KIAA1549L: variants seen among roughly 807,000 people sequenced by gnomAD.
KIAA1549L encodes UPF0606 protein KIAA1549L.
In KIAA1549L, 88 loss-of-function variants were observed where a neutral mutation model predicts 160.7. The observed-to-expected ratio is 0.55, with a 90% CI of 0.46 to 0.65. The LOEUF (loss-of-function observed/expected upper bound fraction) is 0.65, where lower values mean the gene tolerates loss of function less well. KIAA1549L is among the 30% of genes least tolerant of loss of function. KIAA1549L has a pLI of 0.00. For synonymous variants in KIAA1549L, 950 were observed against 976.7 expected (o/e 0.97, Z 0.51); for missense variants, 2,258 against 2,437.5 (o/e 0.93, Z 1.55).
intron 3 of KIAA1549L, among the ~76,000 whole-genome samples, chr11:33,546,843 T>G (rs1299728033): frequency 1.3e-5 from 2 of 152,234 alleles, no homozygotes; most frequent in Non-Finnish European, 2.9e-5. Context: ...TAAAGCTTAA[T>G]TTATAAGTTA....
chr11:33,381,635 T>C (rs1850076097), intron 1 of KIAA1549L, among the ~76,000 whole-genome samples: 1 of 152,094 alleles, frequency 6.6e-6, no homozygotes, highest in Non-Finnish European at 1.5e-5. Flanking sequence ...AAACAAGAGG[T>C]GACATAATCT....
chr11:33,616,224 G>A (rs1850803998), intron 15 of KIAA1549L, among the ~76,000 whole-genome samples: 1 of 152,176 alleles, frequency 6.6e-6, no homozygotes, highest in Non-Finnish European at 1.5e-5. Context: ...TTCACTCTCT[G>A]CTGCCCCCAT....
chr11:33,438,266 C>G (rs1383472587), intron 1 of KIAA1549L, among the ~76,000 whole-genome samples: 1 of 152,102 alleles, frequency 6.6e-6, no homozygotes, highest in Non-Finnish European at 1.5e-5. Context: ...AATTAATTGA[C>G]CCATTTAATC....
intron 1 of KIAA1549L, among the ~76,000 whole-genome samples, chr11:33,472,081 T>TTGG (rs1852189497): frequency 6.6e-6 from 1 of 152,100 alleles, no homozygotes; most frequent in South Asian, 2.1e-4. Context: ...CACATTCCTG[T>TTGG]TGGTGCCTCT....
rs550778895 is a variant in KIAA1549L, at chr11:33,471,188, C to T, written c.239-70614C>T. 5.3e-5 allele frequency among the ~76,000 whole-genome samples: 8 copies of T among 151,708 alleles called. No individual in the cohort carries two copies. The South Asian group carries it at 1.7e-3, about 32-fold the overall frequency. On this transcript the variant is annotated intron_variant, in intron 1 of 20. Transcript: ENST00000658780. ...ATTACTGCCCCTCAACTTTTTATGG[C>T]CCAGGGAAGCCAAAGGCCCATCTCA...
chr11:33,419,376 C>T (rs1850951356), intron 1 of KIAA1549L, among the ~76,000 whole-genome samples: 10 of 152,202 alleles, frequency 6.6e-5, no homozygotes, highest in Admixed American at 6.5e-4. Context: ...TTTCTGCTTA[C>T]ACTATGGATA....
chr11:33,399,950 T>C (rs1443222887), intron 1 of KIAA1549L, among the ~76,000 whole-genome samples: 3 of 152,230 alleles, frequency 2.0e-5, no homozygotes, highest in African/African-American at 4.8e-5. Context: ...CAGCCCTTGC[T>C]AGAAAGGAGC....
At chr11:33,407,549 G>C (rs570031064) in intron 1 of KIAA1549L, among the ~76,000 whole-genome samples, 2 of 152,004 alleles carry the variant, frequency 1.3e-5, no homozygotes, top group East Asian at 1.9e-4. Flanking sequence ...GGGTTTCACC[G>C]TGTTGGCCAG....
intron 1 of KIAA1549L, among the ~76,000 whole-genome samples, chr11:33,431,407 A>G (rs1851239125): frequency 1.4e-5 from 2 of 146,948 alleles, no homozygotes; most frequent in East Asian, 2.1e-4. Context: ...TGTGTTTACA[A>G]TCCCTGAGCT....
chr11:33,529,568 A>G (rs1441034393), intron 1 of KIAA1549L, among the ~76,000 whole-genome samples: 1 of 152,196 alleles, frequency 6.6e-6, no homozygotes, highest in African/African-American at 2.4e-5. Flanking sequence ...AGACACAGAG[A>G]GGTCATGTAA....
At chr11:33,408,089 C>G (rs906713779) in intron 1 of KIAA1549L, among the ~76,000 whole-genome samples, 1 of 152,076 alleles carries the variant, frequency 6.6e-6, no homozygotes, top group Non-Finnish European at 1.5e-5. Context: ...GTTTAATTAT[C>G]CGCTTTCTGG....
At chr11:33,471,218 CTTT>C (rs113201118) in intron 1 of KIAA1549L, among the ~76,000 whole-genome samples, 20 of 141,620 alleles carry the variant, frequency 1.4e-4, no homozygotes, top group African/African-American at 5.2e-4. Context: ...ATCTCAGAAC[CTTT>C]TTTTTTTTTT....
chr11:33,376,351 GCGCCCGTCCC>G lies in KIAA1549L; in HGVS notation c.-300_-291del, dbSNP rs1227469429. On this transcript the variant is annotated 5_prime_UTR_variant, in exon 1 of 21. Coordinates refer to ENST00000658780, the MANE Select transcript of KIAA1549L (RefSeq NM_012194.3). This position sits in a 1 kb window ranked among gnomAD's most constrained non-coding sequence, Gnocchi z 5.8. The stretch of plus-strand genomic sequence containing the variant: ...GGCCCGGGGGAGGGGGCCCCGGGCG[GCGCCCGTCCC>G]ACCCTCGCCGCCCCAATCGCGCCGG... 6.8e-6 allele frequency: 1 copy of G among 148,098 alleles called. No homozygotes were observed. The highest frequency in any genetic ancestry group is 1.5e-5 in the Non-Finnish European group (1 of 66,716). 9.2% of individuals were successfully genotyped at this position (148,098 alleles called of 1,614,324 possible).
At chr11:33,598,049 G>A (rs1467557876) in intron 12 of KIAA1549L, among the ~76,000 whole-genome samples, 4 of 152,182 alleles carry the variant, frequency 2.6e-5, no homozygotes, top group African/African-American at 9.7e-5. Context: ...GGCATGGGGT[G>A]CTATCTTAGA....
At chr11:33,557,941 T>C (rs1357040186) in intron 6 of KIAA1549L, among the ~76,000 whole-genome samples, 1 of 150,952 alleles carries the variant, frequency 6.6e-6, no homozygotes, top group Non-Finnish European at 1.5e-5. Flanking sequence ...AGAGATCGAT[T>C]GATCAATCTT....
chr11:33,640,042 G>C (rs563428763), intron 16 of KIAA1549L, among the ~76,000 whole-genome samples: 1 of 151,952 alleles, frequency 6.6e-6, no homozygotes, highest in South Asian at 2.1e-4. Flanking sequence ...AATTAAAAAG[G>C]TTTCAAAATA....
rs185688799 is a variant in KIAA1549L at position 33,503,471 on chromosome 11, A to C, written c.239-38331A>C. On this transcript the variant is annotated intron_variant, in intron 1 of 20. Transcript: ENST00000658780. ...ATGTGTTTCCATTGAGAATATTTCT[A>C]GAAGTGAATGGCTGGGTCATAGGAT... is the stretch of plus-strand genomic sequence containing the variant. Among the ~76,000 whole-genome samples the C allele has an allele frequency of 5.9e-5, 9 of 152,354 alleles. 1 individual carries two copies. The highest frequency in any genetic ancestry group is 5.9e-4 in the Admixed American group (9 of 15,306).
At chr11:33,605,398 A>C (rs1850475642) in intron 13 of KIAA1549L, among the ~76,000 whole-genome samples, 1 of 152,100 alleles carries the variant, frequency 6.6e-6, no homozygotes, top group Admixed American at 6.5e-5. Flanking sequence ...TGCCCAGCAA[A>C]ACTACATCTA....
intron 8 of KIAA1549L, among the ~76,000 whole-genome samples, chr11:33,565,493 G>T (rs1420361039): frequency 3.3e-5 from 5 of 152,178 alleles, no homozygotes; most frequent in Non-Finnish European, 5.9e-5. Context: ...CTGAGGCATA[G>T]AGAAACTCAG....
Sources: gnomAD v4.1 joint callset for allele counts (sites outside exome capture counted in the v4.1 genomes callset) on GRCh38, gnomAD v4.1.1 for gene constraint, Gnocchi (gnomAD v3.1) non-coding constraint, MANE v1.5 for transcripts, NCBI Gene and HGNC (gene_info 2026-07-23, HGNC 2026-07-21) for gene names.